ACSM5: variants seen among roughly 807,000 people sequenced by gnomAD.
ACSM5 encodes acyl-CoA synthetase medium chain family member 5.
In ACSM5, 56 loss-of-function variants were observed where a neutral mutation model predicts 71.6. That is an observed-to-expected ratio of 0.78 (90% CI 0.63 to 0.98). The LOEUF (loss-of-function observed/expected upper bound fraction) is 0.98, where lower values mean the gene tolerates loss of function less well. Ranked by LOEUF, ACSM5 falls within the 50% of genes least tolerant of loss-of-function variation. The pLI, the probability that ACSM5 is intolerant of heterozygous loss-of-function variation, is 0.00. For missense variants in ACSM5, 723 were observed against 726.0 expected, an observed-to-expected ratio of 1.00 and a Z score of 0.05; for synonymous variants, 285 against 281.5, an observed-to-expected ratio of 1.01 and a Z score of -0.12.
At chr16:20,425,098 T>A (rs545574513) in intron 6 of ACSM5, among the ~76,000 whole-genome samples, 1 of 152,356 alleles carries the variant, frequency 6.6e-6, no homozygotes, top group South Asian at 2.1e-4. Context: ...TCATTCATTC[T>A]ATTATTTTGG....
intron 1 of ACSM5, among the ~76,000 whole-genome samples, chr16:20,410,843 T>C (rs1411753240): frequency 6.6e-6 from 1 of 152,136 alleles, no homozygotes; most frequent in Non-Finnish European, 1.5e-5. Context: ...ACTTGAAGTG[T>C]GGCTAGTCCA....
intron 10 of ACSM5, among the ~76,000 whole-genome samples, chr16:20,431,854 G>C (rs958330825): frequency 6.6e-6 from 1 of 151,962 alleles, no homozygotes; most frequent in Non-Finnish European, 1.5e-5. Flanking sequence ...GGGAGGCTGA[G>C]ACAGGAGAAT....
At chr16:20,439,685 T>C (rs1967276380) in intron 12 of ACSM5, 115 bp from the exon 13 acceptor site, 2 of 1,270,050 alleles carry the variant, frequency 1.6e-6, no homozygotes, top group Non-Finnish European at 1.1e-6. Flanking sequence ...CAAAAAAAAC[T>C]AGTAGAACTT....
At chr16:20,415,948 TA>T (rs1350866986) in intron 2 of ACSM5, among the ~76,000 whole-genome samples, 3 of 151,934 alleles carry the variant, frequency 2.0e-5, no homozygotes, top group East Asian at 3.9e-4. Flanking sequence ...TAAGGAGCAA[TA>T]AAAAATGAAG....
Position 20,424,001 on chromosome 16 carries a change from G to T in ACSM5, c.853G>T (p.Ala285Ser). The change falls in exon 6 of 14, where the codon GCC becomes TCC. Residue 285 changes from alanine (A) to serine (S), a missense_variant. Ala to Ser is a moderately conservative substitution (Grantham distance 99). Coordinates refer to ENST00000331849, the MANE Select transcript of ACSM5 (RefSeq NM_017888.3). Reference protein sequence around the residue: ...WVKAAWTLFSAWPNGSCIFVH... With the variant: ...WVKAAWTLFSSWPNGSCIFVH... ...GAAGGCAGCCTGGACTCTCTTCTCT[G>T]CCTGGCCTAATGGATCTTGCATTTT... 1 of 1,614,164 alleles carries T rather than the reference G, an allele frequency of 6.2e-7. No individual in the cohort carries two copies. The highest frequency in any genetic ancestry group is 8.5e-7 in the Non-Finnish European group (1 of 1,180,026).
chr16:20,426,253 ACCTTCT>A (rs1966977573), intron 6 of ACSM5, among the ~76,000 whole-genome samples: 1 of 152,218 alleles, frequency 6.6e-6, no homozygotes. Context: ...CAATGTATGG[ACCTTCT>A]CCTTGCACTG....
chr16:20,431,354 G>C, intron 10 of ACSM5, 33 bp downstream of exon 10: 1 of 1,530,460 alleles, frequency 6.5e-7, no homozygotes, highest in Non-Finnish European at 9.1e-7. Flanking sequence ...TCTCATGACA[G>C]TGACTGTGTG....
Position 20,411,866 on chromosome 16 carries a change from G to A in ACSM5, c.204+178G>A. On this transcript the variant is annotated intron_variant, in intron 2 of 13. Coordinates refer to ENST00000331849, the MANE Select transcript of ACSM5 (RefSeq NM_017888.3). ...TAGGAAAAAATTCTGAGTCAGTGTT[G>A]TGAGCCTTAGACATGCTTGTTCCTT... 9.3e-6 allele frequency: 6 copies of A among 643,804 alleles called. 1 individual carries two copies. Among genetic ancestry groups the A allele is most frequent in the South Asian group, 5.7e-5 (3 of 52,642 alleles). The allele number at this position is 643,804 out of a possible 1,614,324, so 39.9% of individuals were successfully genotyped here. A position where few individuals can be genotyped will look rare whatever the true frequency, so the allele number is the denominator to read the frequency against.
chr16:20,437,536 ACT>A lies in ACSM5; in HGVS notation c.1536+174_1536+175del, dbSNP rs549409667. Among the ~76,000 whole-genome samples, 4 of 151,730 alleles carry A rather than the reference ACT, an allele frequency of 2.6e-5. No individual in the cohort carries two copies. In the South Asian group the frequency reaches 8.4e-4, roughly 32 times the overall value. On this transcript the variant is annotated intron_variant, in intron 12 of 13. Transcript: ENST00000331849. Reference sequence around the variant, plus strand: ...CCTTCATGTCTTTAGAGATACAATTACTCTCTAAAGGGACATAATGGGAAAAC... The same window carrying A: ...CCTTCATGTCTTTAGAGATACAATTACTCTAAAGGGACATAATGGGAAAAC...
Position 20,418,049 on chromosome 16 carries a change from C to T in ACSM5, c.205-10C>T, listed in dbSNP as rs1488807080. The T allele has an allele frequency of 1.7e-5, 27 of 1,610,388 alleles. No homozygotes were observed. The East Asian group carries it at 3.3e-4, about 20-fold the overall frequency. On this transcript the variant is annotated splice_polypyrimidine_tract_variant and intron_variant, in intron 2 of 13. Transcript: ENST00000331849. Reference sequence around the variant, plus strand: ...TGCTTCTTTTTTTTTCTGCCTGTACCACCATCTAGGCTGGACACCGCCCCC... The same window carrying T: ...TGCTTCTTTTTTTTTCTGCCTGTACTACCATCTAGGCTGGACACCGCCCCC...
rs764678560 is a variant in ACSM5, at chr16:20,411,597, C to A, written c.113C>A (p.Thr38Asn). Residue 38 changes from threonine to asparagine, a missense_variant, in exon 2 of 14, where the codon ACC becomes AAC. Thr to Asn is a moderately conservative substitution (Grantham distance 65). Coordinates refer to ENST00000331849, the MANE Select transcript of ACSM5 (RefSeq NM_017888.3). Reference protein sequence around the residue: ...PLPVPQKIVATWEAISLGRQL... With the variant: ...PLPVPQKIVANWEAISLGRQL... ...CCTGTTCCTCAGAAGATCGTGGCCA[C>A]CTGGGAAGCCATCAGCCTGGGAAGG... 1 of 1,614,158 alleles carries A rather than the reference C, an allele frequency of 6.2e-7. No individual in the cohort carries two copies. The highest frequency in any genetic ancestry group is 1.1e-5 in the South Asian group (1 of 91,080).
At chr16:20,429,847 G>A in intron 8 of ACSM5, 46 bp downstream of exon 8, 1 of 1,601,676 alleles carries the variant, frequency 6.2e-7, no homozygotes, top group Non-Finnish European at 8.5e-7. Context: ...GTCCCCTCGA[G>A]AGCTTCCTGC....
At chr16:20,426,633 G>C (rs991285172) in intron 6 of ACSM5, among the ~76,000 whole-genome samples, 5 of 152,214 alleles carry the variant, frequency 3.3e-5, no homozygotes, top group African/African-American at 1.2e-4. Context: ...AGGACATTAT[G>C]CTAAGTGAAA....
intron 10 of ACSM5, among the ~76,000 whole-genome samples, chr16:20,432,847 CTT>C (rs56853520): frequency 0.011 from 636 of 57,450 alleles, 2 homozygotes; most frequent in African/African-American, 0.043. Context: ...CCAGATCATT[CTT>C]TTTTTTTTTT....
chr16:20,425,587 C>A (rs1289163081), intron 6 of ACSM5, among the ~76,000 whole-genome samples: 1 of 152,256 alleles, frequency 6.6e-6, no homozygotes, highest in African/African-American at 2.4e-5. Context: ...CCCTTCCCAC[C>A]ATTTTCCCCA....
At position 20,418,068 on chromosome 16, in the gene ACSM5, C is replaced by T. The variant is rs770186790; in HGVS notation, c.214C>T (p.Arg72Cys). 27 of 1,613,434 alleles carry T rather than the reference C, an allele frequency of 1.7e-5. No homozygotes were observed. Among genetic ancestry groups the T allele is most frequent in the African/African-American group, 1.1e-4 (8 of 74,866 alleles). ...VWSRLEEAGH[R>C]PPNPAFWWVN... Reference sequence around the variant, plus strand: ...CTGTACCACCATCTAGGCTGGACACCGCCCCCCAAATCCTGCCTTCTGGTG... The same window carrying T: ...CTGTACCACCATCTAGGCTGGACACTGCCCCCCAAATCCTGCCTTCTGGTG... Residue 72 changes from arginine to cysteine, a missense_variant, in exon 3 of 14, where the codon CGC (arginine) becomes TGC (cysteine). Arg to Cys is a radical substitution (Grantham distance 180). Coordinates refer to ENST00000331849, the MANE Select transcript of ACSM5 (RefSeq NM_017888.3).
rs547174950 is a variant in ACSM5, at chr16:20,436,541, T to G, written c.1309-511T>G. 7.3e-3 allele frequency among the ~76,000 whole-genome samples: 1,109 copies of G among 152,100 alleles called. 14 individuals carry two copies. The highest frequency in any genetic ancestry group is 0.011 in the Non-Finnish European group (714 of 67,978). On this transcript the variant is annotated intron_variant, in intron 10 of 13. Transcript: ENST00000331849. ...ATGCACCACCACACCCAGCTAATTT[T>G]TTTGTCTTTAGTAGAGACAGGTTTT...
In ACSM5 at chr16:20,427,939, A is replaced by G; in HGVS notation, c.1001+72A>G. On this transcript the variant is annotated intron_variant, in intron 7 of 13. Transcript: ENST00000331849. ...TATAGCATGGGTATCCACACACACA[A>G]CTACCCTCTCATTCCAACTCTCTTT... The G allele has an allele frequency of 1.0e-5, 11 of 1,066,042 alleles. No homozygotes were observed. In the South Asian group the frequency reaches 1.2e-4, roughly 11 times the overall value. The allele number at this position is 1,066,042 out of a possible 1,614,324, so 66.0% of individuals were successfully genotyped here.
chr16:20,436,055 C>G (rs1166344091), intron 10 of ACSM5, among the ~76,000 whole-genome samples: 5 of 138,266 alleles, frequency 3.6e-5, no homozygotes, highest in Non-Finnish European at 7.8e-5. Flanking sequence ...CTCTTTCTTT[C>G]TCTTTTCCTT....
Sources: allele counts gnomAD v4.1 joint callset (sites outside exome capture counted in the v4.1 genomes callset), GRCh38; gene constraint gnomAD v4.1.1; transcripts MANE v1.5; gene names NCBI Gene and HGNC (gene_info 2026-07-23, HGNC 2026-07-21).